Variants in INSL6 observed in about 807,000 individuals in gnomAD.
INSL6 encodes the protein insulin like 6.
INSL6 carries 16 observed loss-of-function variants against 9.4 expected under a neutral mutation model. The observed-to-expected ratio is 1.70, with a 90% CI of 1.15 to 2.59. INSL6 has a LOEUF of 2.59. Ranked by LOEUF, INSL6 falls within the 30% of genes most tolerant of loss-of-function variation. The pLI is 0.00. For missense variants in INSL6, 391 were observed against 257.3 expected (o/e 1.52, Z -3.56); for synonymous variants, 154 against 96.9 (o/e 1.59, Z -3.46).
intron 2 of INSL6, among the ~76,000 whole-genome samples, chr9:5,151,856 T>A (rs1186701450): frequency 1.3e-5 from 2 of 152,008 alleles, no homozygotes; most frequent in Non-Finnish European, 2.9e-5. Context: ...GTGAACTTGA[T>A]GAAAAAGCAA....
the INSL6 span, among the ~76,000 whole-genome samples, chr9:5,047,695 T>C: frequency 6.6e-6 from 1 of 152,186 alleles, no homozygotes; most frequent in Non-Finnish European, 1.5e-5. Context: ...GCTCCAGTGA[T>C]TGTCTTGCTT....
chr9:5,019,514 C>A, the INSL6 span, among the ~76,000 whole-genome samples: 1 of 151,752 alleles, frequency 6.6e-6, no homozygotes, highest in Non-Finnish European at 1.5e-5. Context: ...ATTTTTAATT[C>A]TTTTTCTGGC....
At chr9:5,091,049 T>G in the INSL6 span, 3 of 638,282 alleles carry the variant, frequency 4.7e-6, no homozygotes, top group Non-Finnish European at 7.8e-6. Flanking sequence ...ATTTAACTTT[T>G]TTTTTTTAGG....
At chr9:5,153,437 G>C (rs1824753067) in intron 2 of INSL6, among the ~76,000 whole-genome samples, 1 of 152,236 alleles carries the variant, frequency 6.6e-6, no homozygotes, top group Non-Finnish European at 1.5e-5. Flanking sequence ...AGTTTGAACA[G>C]GGTGGAGCCC....
the INSL6 span, chr9:5,072,682 CAT>C: frequency 7.5e-7 from 1 of 1,330,474 alleles, no homozygotes; most frequent in East Asian, 2.5e-5. Flanking sequence ...GATGTGCTCT[CAT>C]ATGCATACAA....
intron 1 of INSL6, among the ~76,000 whole-genome samples, chr9:5,182,607 C>A (rs2130923926): frequency 6.6e-6 from 1 of 151,800 alleles, no homozygotes; most frequent in East Asian, 1.9e-4. Flanking sequence ...AAGAGAAGGG[C>A]CCTTTACAGA....
chr9:5,161,766 A>C (rs1824932038), downstream of INSL6, among the ~76,000 whole-genome samples: 1 of 152,186 alleles, frequency 6.6e-6, no homozygotes, highest in African/African-American at 2.4e-5. Context: ...AATAGACAAA[A>C]TTCAGTAGCA....
chr9:4,997,607 G>T, the INSL6 span, among the ~76,000 whole-genome samples: 1 of 152,146 alleles, frequency 6.6e-6, no homozygotes, highest in Admixed American at 6.5e-5. Context: ...GGATTACAGT[G>T]CAACACATGA....
chr9:4,996,928 C>CTTT, the INSL6 span, among the ~76,000 whole-genome samples: 35 of 94,654 alleles, frequency 3.7e-4, no homozygotes, highest in Non-Finnish European at 5.3e-4. Context: ...TTAGTTTGTT[C>CTTT]TTTTTTTTTT....
At position 5,126,890 on chromosome 9, in the gene INSL6, A is replaced by G. The variant is rs540062482; in HGVS notation, c.*11-2379T>C. On this transcript the variant is annotated intron_variant, in intron 3 of 3. Coordinates refer to the INSL6 transcript ENST00000649639. ...ATTATTACATATATCATTATTATAT[A>G]AATCATGATGCTAGCCAGCAAAGAT... 3 of 591,502 alleles carry G rather than the reference A, an allele frequency of 5.1e-6. No homozygotes were observed. The East Asian group carries it at 9.8e-5, about 19-fold the overall frequency. The allele number at this position is 591,502 out of a possible 1,614,324, so 36.6% of individuals were successfully genotyped here.
At chr9:5,066,037 CTTTTA>C in the INSL6 span, among the ~76,000 whole-genome samples, 21 of 152,040 alleles carry the variant, frequency 1.4e-4, no homozygotes, top group African/African-American at 5.1e-4. Flanking sequence ...TTCAAACATT[CTTTTA>C]TTTATATTTA....
intron 1 of INSL6, among the ~76,000 whole-genome samples, chr9:5,167,657 G>A (rs1193055119): frequency 3.3e-5 from 5 of 152,218 alleles, no homozygotes; most frequent in Admixed American, 6.5e-5. Flanking sequence ...CCACGCTATC[G>A]TGGATCAGCC....
chr9:5,084,142 G>T, the INSL6 span, among the ~76,000 whole-genome samples: 1 of 152,032 alleles, frequency 6.6e-6, no homozygotes, highest in African/African-American at 2.4e-5. Context: ...CTCTAAGGAA[G>T]GCGTTTTCAA....
At chr9:5,038,383 A>T in the INSL6 span, among the ~76,000 whole-genome samples, 1 of 152,188 alleles carries the variant, frequency 6.6e-6, no homozygotes, top group Non-Finnish European at 1.5e-5. Context: ...TTATTCACAA[A>T]AAATAGAAAA....
the INSL6 span, among the ~76,000 whole-genome samples, chr9:5,047,913 G>A: frequency 6.6e-6 from 1 of 152,020 alleles, no homozygotes; most frequent in Non-Finnish European, 1.5e-5. Context: ...AAATTTTTCA[G>A]TAGTTCTAAT....
chr9:5,127,976 A>C (rs567730823), intron 3 of INSL6: 214 of 232,334 alleles, frequency 9.2e-4, no homozygotes, highest in Non-Finnish European at 1.6e-3. Flanking sequence ...ATGAGCATAC[A>C]TCTTAAATCT....
chr9:5,045,291 C>A, the INSL6 span, among the ~76,000 whole-genome samples: 29 of 152,232 alleles, frequency 1.9e-4, no homozygotes, highest in Non-Finnish European at 3.7e-4. Flanking sequence ...GCCCACAGAT[C>A]CTCATGGCTC....
chr9:5,139,001 AAAGTATCTTTCACTATT>A (rs1441462845), intron 2 of INSL6, among the ~76,000 whole-genome samples: 2 of 152,184 alleles, frequency 1.3e-5, no homozygotes, highest in Non-Finnish European at 2.9e-5. Context: ...AGGAGATAAT[AAAGTATCTTTCACTATT>A]AAAACCATAT....
chr9:5,166,673 G>A (rs978476213), intron 1 of INSL6, among the ~76,000 whole-genome samples: 1 of 152,242 alleles, frequency 6.6e-6, no homozygotes, highest in East Asian at 1.9e-4. Context: ...AGGGTAGTCA[G>A]AGTTATCACC....
Sources: gnomAD v4.1 joint callset for allele counts (sites outside exome capture counted in the v4.1 genomes callset) on GRCh38, gnomAD v4.1.1 for gene constraint, MANE v1.5 for transcripts, NCBI Gene and HGNC (gene_info 2026-07-23, HGNC 2026-07-21) for gene names.